The following PRKN variants were observed in gnomAD, a reference collection of about 807,000 sequenced individuals.
PRKN encodes the protein E3 ubiquitin-protein ligase parkin.
A neutral mutation model predicts 59.5 loss-of-function variants in PRKN; 56 were observed. That is an observed-to-expected ratio of 0.94 (90% CI 0.76 to 1.18). PRKN has a LOEUF of 1.18. Among genes scored for constraint, PRKN ranks in the 50% most tolerant of loss-of-function variants. The pLI, the probability that PRKN is intolerant of heterozygous loss-of-function variation, is 0.00. For missense variants in PRKN, 657 were observed against 596.4 expected (o/e 1.10, Z -1.06); for synonymous variants, 250 against 222.1 (o/e 1.13, Z -1.12).
chr6:162,015,564 T>A (rs535380398), intron 5 of PRKN, among the ~76,000 whole-genome samples: 1 of 150,890 alleles, frequency 6.6e-6, no homozygotes, highest in South Asian at 2.1e-4. Flanking sequence ...ACGCTCTTGC[T>A]GCTGAATCCT....
chr6:161,757,833 ATCTCTCTCTCTC>A (rs748787015), intron 7 of PRKN, among the ~76,000 whole-genome samples: 2,208 of 37,616 alleles, frequency 0.059, 82 homozygotes, highest in South Asian at 0.18. Context: ...GCAAAACTCC[ATCTCTCTCTCTC>A]TCTCTCTCTC....
intron 7 of PRKN, among the ~76,000 whole-genome samples, chr6:161,610,186 C>G (rs1264144525): frequency 1.3e-5 from 2 of 152,106 alleles, no homozygotes; most frequent in African/African-American, 2.4e-5. Context: ...AACACTGTCC[C>G]TGTGTCACAA....
chr6:162,489,040 G>C (rs2128184409), intron 1 of PRKN, among the ~76,000 whole-genome samples: 1 of 151,844 alleles, frequency 6.6e-6, no homozygotes, highest in South Asian at 2.1e-4. Flanking sequence ...ATTTGGCACA[G>C]GGAGAAAGGA....
At chr6:162,324,279 G>GGA (rs1458458826) in intron 2 of PRKN, among the ~76,000 whole-genome samples, 50 of 152,214 alleles carry the variant, frequency 3.3e-4, no homozygotes, top group African/African-American at 8.9e-4. Context: ...CTTGAGGCTG[G>GGA]GAAAGAGTGG....
At chr6:162,582,806 G>A (rs1780841149) in intron 1 of PRKN, among the ~76,000 whole-genome samples, 1 of 152,126 alleles carries the variant, frequency 6.6e-6, no homozygotes, top group Non-Finnish European at 1.5e-5. Context: ...TATAACACAT[G>A]ATATTAAATT....
rs527264015 is a variant in PRKN, at chr6:161,474,339, A to G, written c.1083+74515T>C. ...GTCTTTCCTGCTCCAACCATAGACC[A>G]AGCCTCTTGTTTCCTATAAGATTGA... On this transcript the variant is annotated intron_variant, in intron 9 of 11. Transcript: ENST00000366898. Among the ~76,000 whole-genome samples, 5 of 152,288 alleles carry G rather than the reference A, an allele frequency of 3.3e-5. No individual in the cohort carries two copies. In the East Asian group the frequency reaches 7.7e-4, roughly 24 times the overall value.
At chr6:162,137,801 CT>C (rs1781610714) in intron 4 of PRKN, among the ~76,000 whole-genome samples, 1 of 152,186 alleles carries the variant, frequency 6.6e-6, no homozygotes, top group African/African-American at 2.4e-5. Flanking sequence ...GGCTTATCGC[CT>C]CTTAAAGGTC....
intron 1 of PRKN, among the ~76,000 whole-genome samples, chr6:162,526,850 T>C (rs1019132235): frequency 4.6e-5 from 7 of 152,128 alleles, no homozygotes; most frequent in African/African-American, 9.7e-5. Flanking sequence ...GTGTACCTTG[T>C]TGATGTATGG....
intron 7 of PRKN, among the ~76,000 whole-genome samples, chr6:161,619,981 C>CT (rs71004058): frequency 0.058 from 3,705 of 63,366 alleles, 8 homozygotes; most frequent in Admixed American, 0.072. Context: ...ACACATTATT[C>CT]TTTTTTTTTT....
chr6:161,790,770 T>G (rs959548282), intron 6 of PRKN, among the ~76,000 whole-genome samples: 10 of 152,182 alleles, frequency 6.6e-5, no homozygotes, highest in Non-Finnish European at 4.4e-5. Flanking sequence ...GATTTTGTTA[T>G]AGCAGCCAGA....
At chr6:162,320,651 C>A (rs1429144585) in intron 2 of PRKN, among the ~76,000 whole-genome samples, 1 of 151,558 alleles carries the variant, frequency 6.6e-6, no homozygotes, top group Non-Finnish European at 1.5e-5. Context: ...ATTATATAAC[C>A]ACTACAAAAA....
chr6:161,431,416 A>G (rs767409376), intron 9 of PRKN, among the ~76,000 whole-genome samples: 5 of 152,086 alleles, frequency 3.3e-5, no homozygotes, highest in African/African-American at 4.8e-5. Flanking sequence ...TGTGGTACAC[A>G]TTATTTAACA....
chr6:162,701,350 AAATT>A (rs1394093801), intron 1 of PRKN, among the ~76,000 whole-genome samples: 1 of 152,178 alleles, frequency 6.6e-6, no homozygotes, highest in Non-Finnish European at 1.5e-5. Flanking sequence ...AATTAAAATT[AAATT>A]AATTAAGATA....
intron 1 of PRKN, among the ~76,000 whole-genome samples, chr6:162,591,435 A>T (rs1781303937): frequency 1.3e-5 from 2 of 152,166 alleles, no homozygotes; most frequent in Non-Finnish European, 2.9e-5. Flanking sequence ...TGTTACGTGC[A>T]TTGAATGTGT....
At chr6:162,418,661 T>TGTGTGTGTGTGCGTGCG (rs1398856017) in intron 2 of PRKN, among the ~76,000 whole-genome samples, 1 of 145,658 alleles carries the variant, frequency 6.9e-6, no homozygotes. Flanking sequence ...TGCGTGTGTG[T>TGTGTGTGTGTGCGTGCG]TGAGGGGGGG....
chr6:161,545,330 CTG>C lies in PRKN; in HGVS notation c.1083+3522_1083+3523del, dbSNP rs1422151953. On this transcript the variant is annotated intron_variant, in intron 9 of 11. Coordinates refer to ENST00000366898, the MANE Select transcript of PRKN (RefSeq NM_004562.3). The surrounding 1 kb of genome is among the most constrained non-coding windows in gnomAD (Gnocchi z 4.1). ...TAGGGCTTTTTCCACATCTGGAACT[CTG>C]TAATTCTTCTATAGCTTTGCTACCA... 21 of 1,593,930 alleles carry C rather than the reference CTG, an allele frequency of 1.3e-5. No individual in the cohort carries two copies. The highest frequency in any genetic ancestry group is 9.4e-5 in the African/African-American group (7 of 74,666).
At chr6:162,033,075 GA>G (rs571609654) in intron 5 of PRKN, among the ~76,000 whole-genome samples, 90 of 152,228 alleles carry the variant, frequency 5.9e-4, no homozygotes, top group Middle Eastern at 3.4e-3. Context: ...TTTTATTCCA[GA>G]CACTGGCTCC....
chr6:161,856,830 G>A (rs1019271284), intron 6 of PRKN, among the ~76,000 whole-genome samples: 1 of 151,992 alleles, frequency 6.6e-6, no homozygotes, highest in African/African-American at 2.4e-5. Flanking sequence ...TAAAATACTG[G>A]GCTTTATATA....
chr6:161,918,776 C>T (rs529725355), intron 6 of PRKN, among the ~76,000 whole-genome samples: 9 of 152,220 alleles, frequency 5.9e-5, no homozygotes, highest in Non-Finnish European at 7.4e-5. Flanking sequence ...TTTCACTTAA[C>T]GAGATATACG....
Sources: gnomAD v4.1 joint callset for allele counts (sites outside exome capture counted in the v4.1 genomes callset) on GRCh38, gnomAD v4.1.1 for gene constraint, Gnocchi (gnomAD v3.1) non-coding constraint, MANE v1.5 for transcripts, NCBI Gene and HGNC (gene_info 2026-07-23, HGNC 2026-07-21) for gene names.